Variants in THSD7B observed in about 807,000 individuals in gnomAD.
The protein encoded by THSD7B is thrombospondin type-1 domain-containing protein 7B.
In THSD7B, 138 loss-of-function variants were observed where a neutral mutation model predicts 213.6. The ratio of observed to expected loss-of-function variants is 0.65; its 90% CI spans 0.56 to 0.74. The LOEUF (loss-of-function observed/expected upper bound fraction) is 0.74, where lower values mean the gene tolerates loss of function less well. Among genes scored for constraint, THSD7B ranks in the 30% least tolerant of loss-of-function variants. The probability of loss-of-function intolerance (pLI) is 0.00; values close to 1 mark genes in which losing one functional copy is unlikely to be tolerated. For synonymous variants in THSD7B, 742 were observed against 687.0 expected (o/e 1.08, Z -1.25); for missense variants, 1,931 against 1,991.5 (o/e 0.97, Z 0.58).
chr2:136,886,904 G>T (rs749589735), intron 2 of THSD7B, among the ~76,000 whole-genome samples: 2 of 152,166 alleles, frequency 1.3e-5, no homozygotes, highest in Non-Finnish European at 2.9e-5. Flanking sequence ...GAATTCAGGA[G>T]AGAGGTTTCT....
chr2:136,966,676 T>C (rs1685319841), intron 2 of THSD7B, among the ~76,000 whole-genome samples: 1 of 152,194 alleles, frequency 6.6e-6, no homozygotes, highest in Non-Finnish European at 1.5e-5. Context: ...TCTTAGCTCC[T>C]ATTCAGCCGA....
rs148500328 is a variant in THSD7B at position 137,417,254 on chromosome 2, G to C, written c.2959+5382G>C. Reference sequence around the variant, plus strand: ...TGTATTTAGAAAGTTTAGATTTGCTGTGTATGTATTGAATTTTAAATAATT... The same window carrying C: ...TGTATTTAGAAAGTTTAGATTTGCTCTGTATGTATTGAATTTTAAATAATT... On this transcript the variant is annotated intron_variant, in intron 14 of 27. Coordinates refer to ENST00000409968, the MANE Select transcript of THSD7B (RefSeq NM_001316349.2). Among the ~76,000 whole-genome samples the C allele has an allele frequency of 2.0e-3, 311 of 152,258 alleles. 1 individual carries two copies. The highest frequency in any genetic ancestry group is 7.2e-3 in the African/African-American group (298 of 41,554).
chr2:137,524,860 A>G (rs1680251119), intron 15 of THSD7B, among the ~76,000 whole-genome samples: 1 of 152,132 alleles, frequency 6.6e-6, no homozygotes, highest in South Asian at 2.1e-4. Context: ...AGGTGGCTGA[A>G]TATTTTGAAT....
chr2:136,830,739 T>G (rs964625184), intron 1 of THSD7B, among the ~76,000 whole-genome samples: 3 of 152,236 alleles, frequency 2.0e-5, no homozygotes, highest in Non-Finnish European at 4.4e-5. Flanking sequence ...TTCAAATGTT[T>G]CATTGTCTGT....
Position 137,040,618 on chromosome 2 carries a change from C to T in THSD7B, c.140-15802C>T, listed in dbSNP as rs571434033. Among the ~76,000 whole-genome samples, 64 of 152,212 alleles carry T rather than the reference C, an allele frequency of 4.2e-4. No individual in the cohort carries two copies. In the South Asian group the frequency reaches 0.013, roughly 32 times the overall value. On this transcript the variant is annotated intron_variant, in intron 2 of 27. Transcript: ENST00000409968. ...CCACATTGGCCAAACTGGTCTCGAA[C>T]TCCTGATCTCGTGATCCACCCGCCT...
intron 2 of THSD7B, among the ~76,000 whole-genome samples, chr2:136,890,678 T>C (rs992339869): frequency 6.6e-6 from 1 of 150,656 alleles, no homozygotes; most frequent in Admixed American, 6.7e-5. Context: ...TAGCTGGGAT[T>C]ACAGGCATCC....
At chr2:137,540,368 A>G (rs1680587782) in intron 15 of THSD7B, among the ~76,000 whole-genome samples, 1 of 151,698 alleles carries the variant, frequency 6.6e-6, no homozygotes, top group African/African-American at 2.4e-5. Flanking sequence ...GAGAGCGCTT[A>G]CTCACAAAAA....
chr2:136,940,734 A>ATG (rs1426188401), intron 2 of THSD7B, among the ~76,000 whole-genome samples: 1 of 139,840 alleles, frequency 7.2e-6, no homozygotes, highest in Non-Finnish European at 1.5e-5. Context: ...TATAATATAT[A>ATG]TATATATATT....
In THSD7B at chr2:137,056,998, A is replaced by G. The variant is rs749883865; in HGVS notation, c.718A>G (p.Thr240Ala). 6.2e-6 allele frequency: 10 copies of G among 1,613,870 alleles called. No homozygotes were observed. The Admixed American group carries it at 8.3e-5, about 13-fold the overall frequency. Residue 240 changes from threonine to alanine, a missense_variant, in exon 3 of 28, where the codon ACA (threonine) becomes GCA (alanine). By Grantham distance (58) the Thr-to-Ala change is moderately conservative (BLOSUM62 0). Coordinates refer to ENST00000409968, the MANE Select transcript of THSD7B (RefSeq NM_001316349.2). ...ISCPLGEEEY[T>A]FSLKVGPWSK... ...CTGTCCTCTTGGGGAAGAGGAATAT[A>G]CATTTAGCCTTAAGGTTGGACCATG...
chr2:137,644,931 C>T (rs1170155659), intron 21 of THSD7B, among the ~76,000 whole-genome samples: 1 of 152,174 alleles, frequency 6.6e-6, no homozygotes, highest in Non-Finnish European at 1.5e-5. Context: ...TCAGGCATCA[C>T]TTTCTTTTTT....
chr2:137,242,678 T>A, intron 10 of THSD7B, 106 bp downstream of exon 10: 1 of 739,576 alleles, frequency 1.4e-6, no homozygotes, highest in Non-Finnish European at 2.2e-6. Context: ...TTTTTTTTCA[T>A]TTGCCTATCA....
intron 5 of THSD7B, among the ~76,000 whole-genome samples, chr2:137,126,854 T>C (rs147569772): frequency 8.5e-5 from 13 of 152,218 alleles, no homozygotes; most frequent in South Asian, 4.1e-4. Context: ...GGGTTATTAA[T>C]TGGCCTAATT....
intron 12 of THSD7B, among the ~76,000 whole-genome samples, chr2:137,307,492 T>A (rs1454802237): frequency 6.6e-6 from 1 of 152,072 alleles, no homozygotes; most frequent in Non-Finnish European, 1.5e-5. Context: ...AATCCAAAGG[T>A]GAAATCCATT....
At chr2:137,279,781 T>C in intron 12 of THSD7B, among the ~76,000 whole-genome samples, 1 of 152,166 alleles carries the variant, frequency 6.6e-6, no homozygotes, top group Admixed American at 6.6e-5. Context: ...TGGACTGTGC[T>C]TCCCAAAAAT....
At chr2:137,277,180 T>C (rs1682895736) in intron 12 of THSD7B, among the ~76,000 whole-genome samples, 1 of 152,104 alleles carries the variant, frequency 6.6e-6, no homozygotes, top group South Asian at 2.1e-4. Context: ...TTTGTTACTC[T>C]ATGATATTAC....
intron 1 of THSD7B, among the ~76,000 whole-genome samples, chr2:136,809,297 G>A (rs895797988): frequency 2.0e-5 from 3 of 152,142 alleles, no homozygotes; most frequent in Non-Finnish European, 4.4e-5. Flanking sequence ...GATGTCCTAA[G>A]GGATGAACAT....
intron 2 of THSD7B, among the ~76,000 whole-genome samples, chr2:136,934,821 C>A (rs977672424): frequency 2.0e-5 from 3 of 152,100 alleles, no homozygotes; most frequent in African/African-American, 7.2e-5. Flanking sequence ...CTTTTGAGTG[C>A]ATTTAAAACT....
At chr2:137,578,522 G>T (rs1681510170) in intron 17 of THSD7B, among the ~76,000 whole-genome samples, 1 of 152,166 alleles carries the variant, frequency 6.6e-6, no homozygotes, top group African/African-American at 2.4e-5. Flanking sequence ...TAGCAGGAGG[G>T]CTAAATTTAC....
chr2:137,593,575 T>G (rs1174742004), intron 17 of THSD7B, among the ~76,000 whole-genome samples: 1 of 152,014 alleles, frequency 6.6e-6, no homozygotes, highest in Non-Finnish European at 1.5e-5. Flanking sequence ...GATATCTTAT[T>G]TGTAAAATGA....
Sources: gnomAD v4.1 joint callset for allele counts (sites outside exome capture counted in the v4.1 genomes callset) on GRCh38, gnomAD v4.1.1 for gene constraint, MANE v1.5 for transcripts, NCBI Gene and HGNC (gene_info 2026-07-23, HGNC 2026-07-21) for gene names.